The following TMEM117 variants were observed in gnomAD, a reference collection of about 807,000 sequenced individuals.
The protein encoded by TMEM117 is transmembrane protein 117.
In TMEM117, 27 loss-of-function variants were observed where a neutral mutation model predicts 52.4. That is an observed-to-expected ratio of 0.51 (90% CI 0.38 to 0.71). TMEM117 has a LOEUF of 0.71. Ranked by LOEUF, TMEM117 falls within the 30% of genes least tolerant of loss-of-function variation. The probability of loss-of-function intolerance (pLI) is 0.00; values close to 1 mark genes in which losing one functional copy is unlikely to be tolerated. For missense variants in TMEM117, 556 were observed against 630.5 expected (o/e 0.88, Z 1.26); for synonymous variants, 215 against 206.3 (o/e 1.04, Z -0.36).
Position 44,388,272 on chromosome 12 carries a change from A to G in TMEM117, c.1145A>G (p.His382Arg). 3 of 1,613,632 alleles carry G rather than the reference A, an allele frequency of 1.9e-6. No individual in the cohort carries two copies. The highest frequency in any genetic ancestry group is 2.5e-6 in the Non-Finnish European group (3 of 1,179,668). Residue 382 changes from histidine to arginine, a missense_variant, in exon 8 of 8, where the codon CAC (histidine) becomes CGC (arginine). Coordinates refer to ENST00000266534, the MANE Select transcript of TMEM117 (RefSeq NM_032256.3). Reference protein sequence around the residue: ...KTYVEGDMFLHSRFIGASLDV... With the variant: ...KTYVEGDMFLRSRFIGASLDV... ...TATGTTGAGGGAGACATGTTCTTAC[A>G]CAGCAGGTTCATAGGAGCCAGTCTT...
At chr12:44,164,623 A>C (rs550506126) in intron 4 of TMEM117, among the ~76,000 whole-genome samples, 1 of 152,334 alleles carries the variant, frequency 6.6e-6, no homozygotes, top group African/African-American at 2.4e-5. Flanking sequence ...TTTTGAAATG[A>C]AAAGAATAGG....
intron 3 of TMEM117, among the ~76,000 whole-genome samples, chr12:44,058,669 A>C (rs1415463126): frequency 6.6e-6 from 1 of 152,222 alleles, no homozygotes. Context: ...TCTACAACAT[A>C]ACATGTAATT....
intron 3 of TMEM117, among the ~76,000 whole-genome samples, chr12:44,131,603 G>A (rs567426365): frequency 3.9e-5 from 6 of 151,952 alleles, no homozygotes; most frequent in African/African-American, 1.2e-4. Context: ...TTTTCTATGG[G>A]AATTTATTTT....
intron 2 of TMEM117, among the ~76,000 whole-genome samples, chr12:43,852,185 A>T (rs1276605475): frequency 6.6e-6 from 1 of 152,172 alleles, no homozygotes; most frequent in African/African-American, 2.4e-5. Context: ...TAATCCCAGC[A>T]CTTTGGGAGG....
chr12:43,936,595 G>A (rs923209157), intron 2 of TMEM117, among the ~76,000 whole-genome samples: 3 of 152,118 alleles, frequency 2.0e-5, no homozygotes, highest in African/African-American at 7.2e-5. Flanking sequence ...TGGGGTAATT[G>A]GAAGAAGGGA....
chr12:44,290,918 C>T (rs889681053), intron 5 of TMEM117, among the ~76,000 whole-genome samples: 7 of 152,198 alleles, frequency 4.6e-5, no homozygotes, highest in African/African-American at 1.2e-4. Context: ...ATATTTTAGG[C>T]ATGAGCTACT....
intron 6 of TMEM117, among the ~76,000 whole-genome samples, chr12:44,361,727 C>T (rs7310784): frequency 0.052 from 7,978 of 151,996 alleles, 203 homozygotes; most frequent in Admixed American, 0.06. Context: ...TCTGTTGTGA[C>T]GCTGTAATAG....
intron 2 of TMEM117, among the ~76,000 whole-genome samples, chr12:43,865,059 A>G (rs902836238): frequency 3.9e-5 from 6 of 152,252 alleles, no homozygotes; most frequent in African/African-American, 1.4e-4. Flanking sequence ...CCAGAAGGAA[A>G]AAGCTCCGAA....
At chr12:44,212,143 C>T (rs1419459003) in intron 5 of TMEM117, among the ~76,000 whole-genome samples, 2 of 152,136 alleles carry the variant, frequency 1.3e-5, no homozygotes, top group Non-Finnish European at 2.9e-5. Flanking sequence ...TACCCTTGGT[C>T]GACTGCAGTC....
intron 2 of TMEM117, among the ~76,000 whole-genome samples, chr12:43,937,956 A>T (rs1456294489): frequency 2.0e-5 from 3 of 152,144 alleles, no homozygotes; most frequent in Non-Finnish European, 4.4e-5. Context: ...AAATTTACAT[A>T]AGGCCAAGTA....
chr12:43,838,536 A>ATTTTT (rs1565712907), intron 1 of TMEM117, among the ~76,000 whole-genome samples: 1 of 134,298 alleles, frequency 7.4e-6, no homozygotes, highest in African/African-American at 3.0e-5. Context: ...GGAGTCTTCC[A>ATTTTT]GTTTTTTTTT....
At chr12:44,029,925 G>C (rs147031348) in intron 3 of TMEM117, among the ~76,000 whole-genome samples, 178 of 152,280 alleles carry the variant, frequency 1.2e-3, no homozygotes, top group African/African-American at 4.1e-3. Flanking sequence ...GTAACCATGT[G>C]GCCATGCTTT....
intron 3 of TMEM117, among the ~76,000 whole-genome samples, chr12:44,082,753 A>G (rs1223265486): frequency 6.6e-6 from 1 of 152,134 alleles, no homozygotes; most frequent in African/African-American, 2.4e-5. Context: ...GAACTCTACC[A>G]CTCAAATCAG....
intron 5 of TMEM117, among the ~76,000 whole-genome samples, chr12:44,291,284 T>C (rs1950700254): frequency 6.6e-6 from 1 of 151,940 alleles, no homozygotes; most frequent in South Asian, 2.1e-4. Context: ...TTTTAGATGG[T>C]TTATTATTAG....
intron 7 of TMEM117, among the ~76,000 whole-genome samples, chr12:44,384,410 C>T (rs1302984428): frequency 6.6e-6 from 1 of 152,086 alleles, no homozygotes; most frequent in Non-Finnish European, 1.5e-5. Flanking sequence ...CCCTTCCCCT[C>T]TGCACTTCCC....
chr12:44,074,030 AAC>A (rs1409090449), intron 3 of TMEM117, among the ~76,000 whole-genome samples: 1 of 152,238 alleles, frequency 6.6e-6, no homozygotes, highest in Non-Finnish European at 1.5e-5. Context: ...TCACATGCCT[AAC>A]AGAGGGGTTA....
At position 44,388,579 on chromosome 12, in the gene TMEM117, C is replaced by T. The variant is rs759645583; in HGVS notation, c.1452C>T (p.Thr484=). The T allele has an allele frequency of 6.2e-7, 1 of 1,613,494 alleles. No homozygotes were observed. Among genetic ancestry groups the T allele is most frequent in the East Asian group, 2.2e-5 (1 of 44,856 alleles). ...NEIVYKSSHL[T]SENLSSQLNE... is the part of the protein sequence containing the mutation. ...TCGTCTACAAGTCTTCCCACCTAACCTCGGAAAACTTGAGCTCACAGTTGA... is the reference window on the plus strand; with the variant it reads ...TCGTCTACAAGTCTTCCCACCTAACTTCGGAAAACTTGAGCTCACAGTTGA... The change falls in exon 8 of 8, where the codon ACC becomes ACT. Residue 484 remains threonine, a synonymous_variant. Transcript: ENST00000266534.
intron 2 of TMEM117, among the ~76,000 whole-genome samples, chr12:43,878,996 T>C (rs1943850463): frequency 6.6e-6 from 1 of 152,156 alleles, no homozygotes. Context: ...CGTTAAATGA[T>C]AAATGCTAGT....
the TMEM117 span, among the ~76,000 whole-genome samples, chr12:44,396,401 A>G: frequency 6.6e-6 from 1 of 152,026 alleles, no homozygotes; most frequent in African/African-American, 2.4e-5. Flanking sequence ...CTTCCACTAT[A>G]TGTTTATATA....
Sources: gnomAD v4.1 joint callset for allele counts (sites outside exome capture counted in the v4.1 genomes callset) on GRCh38, gnomAD v4.1.1 for gene constraint, MANE v1.5 for transcripts, NCBI Gene and HGNC (gene_info 2026-07-23, HGNC 2026-07-21) for gene names.